The following ROBO2 variants were observed in gnomAD, a reference collection of about 807,000 sequenced individuals.
The protein encoded by ROBO2 is roundabout guidance receptor 2.
Under a neutral mutation model 160.8 loss-of-function variants are expected in ROBO2, and 53 were observed. The observed-to-expected ratio is 0.33, with a 90% CI of 0.26 to 0.41. The LOEUF (loss-of-function observed/expected upper bound fraction) is 0.41, where lower values mean the gene tolerates loss of function less well. Ranked by LOEUF, ROBO2 falls within the 10% of genes least tolerant of loss-of-function variation. The pLI is 1.00. For synonymous variants in ROBO2, 664 were observed against 611.7 expected (o/e 1.09, Z -1.26); for missense variants, 1,577 against 1,722.4 (o/e 0.92, Z 1.49).
intron 2 of ROBO2, among the ~76,000 whole-genome samples, chr3:76,329,558 T>C (rs749706135): frequency 1.3e-5 from 2 of 152,178 alleles, no homozygotes; most frequent in Non-Finnish European, 2.9e-5. Context: ...AGAATTTCCT[T>C]CCGCTGGGGA....
At chr3:76,997,406 G>A (rs1419440050) in intron 2 of ROBO2, among the ~76,000 whole-genome samples, 1 of 152,114 alleles carries the variant, frequency 6.6e-6, no homozygotes, top group East Asian at 1.9e-4. Flanking sequence ...AATATGTGAA[G>A]TCAGTTGTGG....
chr3:76,610,133 C>T (rs1056930719), intron 2 of ROBO2, among the ~76,000 whole-genome samples: 6 of 152,236 alleles, frequency 3.9e-5, no homozygotes, highest in African/African-American at 1.2e-4. Context: ...ATTTTTGCAT[C>T]GATGTTCATC....
rs952712792 is a variant in ROBO2, at chr3:76,364,219, T to C, written c.109+426617T>C. On this transcript the variant is annotated intron_variant, in intron 2 of 26. Coordinates refer to the ROBO2 transcript ENST00000487694. Reference sequence around the variant, plus strand: ...CTCCCTCTTGTCTTTTCTATTTCAATTTAACTGACACTCCAGGAATACCTT... The same window carrying C: ...CTCCCTCTTGTCTTTTCTATTTCAACTTAACTGACACTCCAGGAATACCTT... Among the ~76,000 whole-genome samples, 10 of 152,174 alleles carry C rather than the reference T, an allele frequency of 6.6e-5. No homozygotes were observed. In the South Asian group the frequency reaches 2.1e-3, roughly 32 times the overall value.
chr3:76,272,839 A>ATATATAAAATATATAAAAT (rs1707580212), intron 2 of ROBO2, among the ~76,000 whole-genome samples: 1 of 34,226 alleles, frequency 2.9e-5, no homozygotes. Context: ...AAATATATAT[A>ATATATAAAATATATAAAAT]TTATATATTA....
chr3:76,351,465 TC>T (rs1449824861), intron 2 of ROBO2, among the ~76,000 whole-genome samples: 2 of 151,930 alleles, frequency 1.3e-5, no homozygotes, highest in African/African-American at 4.8e-5. Flanking sequence ...ATTGGGTTTG[TC>T]CATTGGATAT....
chr3:76,274,074 AC>A (rs1215852954), intron 2 of ROBO2, among the ~76,000 whole-genome samples: 2 of 152,196 alleles, frequency 1.3e-5, no homozygotes, highest in African/African-American at 4.8e-5. Context: ...TCTTAAAGGT[AC>A]CAACTCTTAA....
At chr3:76,122,613 A>G (rs1022648218) in intron 2 of ROBO2, among the ~76,000 whole-genome samples, 1 of 152,136 alleles carries the variant, frequency 6.6e-6, no homozygotes, top group South Asian at 2.1e-4. Flanking sequence ...CTTTCAAGAT[A>G]CAGACTTTGG....
intron 5 of ROBO2, among the ~76,000 whole-genome samples, chr3:77,498,848 G>T (rs1444430970): frequency 6.6e-6 from 1 of 152,134 alleles, no homozygotes; most frequent in Non-Finnish European, 1.5e-5. Context: ...CACTGATTAG[G>T]TTGGCTGGTA....
In ROBO2 at chr3:77,386,603, A is replaced by ATTTTTTTTTTTTTTTTTT. The variant is rs71104679; in HGVS notation, c.389-90794_389-90793insTTTTTTTTTTTTTTTTTT. The stretch of plus-strand genomic sequence containing the variant: ...AGTTAATTATTTTTTCAGCCAGGTA[A>ATTTTTTTTTTTTTTTTTT]TTTTTTTTTTTTTTTTTGAAATAGA... On this transcript the variant is annotated intron_variant, in intron 2 of 25. Transcript: ENST00000461745. Among the ~76,000 whole-genome samples, 363 of 91,870 alleles carry ATTTTTTTTTTTTTTTTTT rather than the reference A, an allele frequency of 4.0e-3. 52 individuals are homozygous for ATTTTTTTTTTTTTTTTTT. Among genetic ancestry groups the ATTTTTTTTTTTTTTTTTT allele is most frequent in the African/African-American group, 9.1e-3 (247 of 27,128 alleles). The allele number at this position is 91,870 out of a possible 152,430, so 60.3% of individuals were successfully genotyped here. A position where few individuals can be genotyped will look rare whatever the true frequency, so the allele number is the denominator to read the frequency against.
At chr3:77,381,830 CTTTCT>C (rs1455197970) in intron 2 of ROBO2, among the ~76,000 whole-genome samples, 2 of 152,086 alleles carry the variant, frequency 1.3e-5, no homozygotes, top group Admixed American at 6.6e-5. Context: ...TTAGGTCTTC[CTTTCT>C]TTTCATTTAT....
intron 2 of ROBO2, among the ~76,000 whole-genome samples, chr3:77,362,808 C>A (rs567867738): frequency 6.6e-6 from 1 of 152,240 alleles, no homozygotes; most frequent in Admixed American, 6.5e-5. Context: ...AAATAAGGAG[C>A]AAAGTCACAT....
chr3:76,105,165 A>T (rs1027099112), intron 2 of ROBO2, among the ~76,000 whole-genome samples: 1 of 151,370 alleles, frequency 6.6e-6, no homozygotes, highest in South Asian at 2.1e-4. Flanking sequence ...TGAAAAATCA[A>T]TTTTTTCAGC....
chr3:76,788,479 C>T (rs1162715186), intron 2 of ROBO2, among the ~76,000 whole-genome samples: 1 of 151,404 alleles, frequency 6.6e-6, no homozygotes, highest in Admixed American at 6.6e-5. Context: ...AGTTTATAAT[C>T]TAATAAAAAG....
intron 2 of ROBO2, among the ~76,000 whole-genome samples, chr3:77,405,056 G>C (rs775571349): frequency 6.6e-6 from 1 of 152,104 alleles, no homozygotes; most frequent in African/African-American, 2.4e-5. Flanking sequence ...GAGACTATGA[G>C]TTTCTTGGAA....
chr3:77,033,005 C>T (rs1209302489), intron 2 of ROBO2, among the ~76,000 whole-genome samples: 1 of 152,180 alleles, frequency 6.6e-6, no homozygotes, highest in African/African-American at 2.4e-5. Context: ...TATTAGTACA[C>T]TCCAATGACC....
chr3:76,652,266 A>G (rs908483613), intron 2 of ROBO2, among the ~76,000 whole-genome samples: 1 of 152,184 alleles, frequency 6.6e-6, no homozygotes, highest in Non-Finnish European at 1.5e-5. Flanking sequence ...TATAGTATGT[A>G]CCATTATCTG....
chr3:77,269,085 T>C (rs1273884670), intron 2 of ROBO2, among the ~76,000 whole-genome samples: 1 of 150,880 alleles, frequency 6.6e-6, no homozygotes, highest in Admixed American at 6.7e-5. Context: ...AGGTTTCATA[T>C]CCTGTGTTGG....
At chr3:77,075,102 A>G (rs926170835) in intron 1 of ROBO2, among the ~76,000 whole-genome samples, 1 of 152,238 alleles carries the variant, frequency 6.6e-6, no homozygotes, top group Non-Finnish European at 1.5e-5. Context: ...TAAAATATAT[A>G]CACATGTACA....
At chr3:76,194,652 G>A (rs1164538782) in intron 2 of ROBO2, among the ~76,000 whole-genome samples, 1 of 149,516 alleles carries the variant, frequency 6.7e-6, no homozygotes, top group South Asian at 2.1e-4. Context: ...ACGGAGTCTC[G>A]CTCTGTTACC....
Sources: allele counts gnomAD v4.1 joint callset (sites outside exome capture counted in the v4.1 genomes callset), GRCh38; gene constraint gnomAD v4.1.1; transcripts MANE v1.5; gene names NCBI Gene and HGNC (gene_info 2026-07-23, HGNC 2026-07-21).